Variants in EIF2AK2 observed in about 807,000 individuals in gnomAD.
EIF2AK2 encodes the protein interferon-induced, double-stranded RNA-activated protein kinase.
EIF2AK2 carries 40 observed loss-of-function variants against 70.5 expected under a neutral mutation model. The observed-to-expected ratio is 0.57, with a 90% confidence interval of 0.44 to 0.74. The LOEUF is 0.74. EIF2AK2 is among the 30% of genes least tolerant of loss of function. The probability of loss-of-function intolerance (pLI) is 0.00; values close to 1 mark genes in which losing one functional copy is unlikely to be tolerated. For missense variants in EIF2AK2, 555 were observed against 644.3 expected (o/e 0.86, Z 1.50); for synonymous variants, 198 against 220.9 (o/e 0.90, Z 0.92).
intron 1 of EIF2AK2, among the ~76,000 whole-genome samples, chr2:37,152,472 G>A (rs1400537784): frequency 6.6e-6 from 1 of 151,982 alleles, no homozygotes; most frequent in African/African-American, 2.4e-5. Flanking sequence ...GTATTTTTGA[G>A]GTTTCCCGGT....
chr2:37,151,909 A>G (rs1442346317), intron 1 of EIF2AK2, among the ~76,000 whole-genome samples: 2 of 152,236 alleles, frequency 1.3e-5, no homozygotes, highest in African/African-American at 4.8e-5. Context: ...CACTAAAAAT[A>G]CAAAAAATTA....
chr2:37,142,573 T>G lies in EIF2AK2; in HGVS notation c.241-872A>C, dbSNP rs188405973. 4.0e-3 allele frequency among the ~76,000 whole-genome samples: 613 copies of G among 152,172 alleles called. 2 individuals carry two copies. The highest frequency in any genetic ancestry group is 0.014 in the African/African-American group (593 of 41,512). Reference sequence around the variant, plus strand: ...TGCTTTTTGGGGGTAAAACATTCTGTTTTTTGTTTTTTCTAACTTCTTGAC... The same window carrying G: ...TGCTTTTTGGGGGTAAAACATTCTGGTTTTTGTTTTTTCTAACTTCTTGAC... On this transcript the variant is annotated intron_variant, in intron 4 of 16. Transcript: ENST00000233057.
At chr2:37,115,637 T>C (rs949023038) in intron 13 of EIF2AK2, among the ~76,000 whole-genome samples, 1 of 152,160 alleles carries the variant, frequency 6.6e-6, no homozygotes, top group African/African-American at 2.4e-5. Context: ...CATGATCTGA[T>C]AGGGACTGAA....
intron 4 of EIF2AK2, among the ~76,000 whole-genome samples, chr2:37,146,488 T>A (rs1414689418): frequency 6.6e-6 from 1 of 152,206 alleles, no homozygotes; most frequent in Non-Finnish European, 1.5e-5. Flanking sequence ...CTCCCTACAA[T>A]CACTTTCATC....
At chr2:37,122,142 C>G (rs1674575375) in intron 12 of EIF2AK2, among the ~76,000 whole-genome samples, 1 of 147,416 alleles carries the variant, frequency 6.8e-6, no homozygotes, top group Admixed American at 6.7e-5. Context: ...AGGAGGGAGC[C>G]CCCAGATGCA....
At position 37,105,668 on chromosome 2, in the gene EIF2AK2, A is replaced by ATT. The variant is rs1558404006; in HGVS notation, c.*1603_*1604dup. On this transcript the variant is annotated 3_prime_UTR_variant, in exon 17 of 17. Transcript: ENST00000233057. ...ACTAAAACAATTGCCCTAAGTTGAA[A>ATT]TTCACCCTCAGGGTCGTCTTCTAAG... The ATT allele has an allele frequency of 6.6e-6, 1 of 152,212 alleles. No individual in the cohort carries two copies. The highest frequency in any genetic ancestry group is 1.5e-5 in the Non-Finnish European group (1 of 68,062). 9.4% of individuals were successfully genotyped at this position (152,212 alleles called of 1,614,324 possible).
intron 12 of EIF2AK2, among the ~76,000 whole-genome samples, chr2:37,121,090 C>G (rs566641986): frequency 1.3e-5 from 2 of 148,670 alleles, no homozygotes. Context: ...GGTGAAATCC[C>G]GTCTCTACTA....
intron 1 of EIF2AK2, among the ~76,000 whole-genome samples, chr2:37,150,599 G>A (rs1039577717): frequency 3.9e-5 from 6 of 152,044 alleles, no homozygotes; most frequent in Non-Finnish European, 5.9e-5. Flanking sequence ...GCTTGTAGCC[G>A]GGAACAACAC....
At chr2:37,151,055 A>G (rs1360768695) in intron 1 of EIF2AK2, among the ~76,000 whole-genome samples, 3 of 152,362 alleles carry the variant, frequency 2.0e-5, no homozygotes, top group African/African-American at 2.4e-5. Context: ...AATTTTAGCT[A>G]TGACAGCAAG....
At chr2:37,113,601 G>C (rs1360679704) in intron 14 of EIF2AK2, among the ~76,000 whole-genome samples, 2 of 151,290 alleles carry the variant, frequency 1.3e-5, no homozygotes, top group African/African-American at 4.9e-5. Flanking sequence ...TAACAGATAC[G>C]GGATCAACAC....
intron 7 of EIF2AK2, 31 bp downstream of exon 7, chr2:37,138,478 T>G (rs1416999397): frequency 6.2e-7 from 1 of 1,610,528 alleles, no homozygotes; most frequent in South Asian, 1.1e-5. Flanking sequence ...TATGAATATG[T>G]TAAGTATCTC....
rs1208496378 is a variant in EIF2AK2 at position 37,099,498 on chromosome 2, C to G, written c.*7775G>C. ...ACAAACTGGTAAGAACAATTAGGTACTAAACAATGGGAGTACTAGGGAGAA... is the reference window on the plus strand; with the variant it reads ...ACAAACTGGTAAGAACAATTAGGTAGTAAACAATGGGAGTACTAGGGAGAA... On this transcript the variant is annotated 3_prime_UTR_variant, in exon 17 of 17. Transcript: ENST00000233057. 2 of 152,066 alleles carry G rather than the reference C, an allele frequency of 1.3e-5. No individual in the cohort carries two copies. Among genetic ancestry groups the G allele is most frequent in the African/African-American group, 4.8e-5 (2 of 41,404 alleles). 9.4% of individuals were successfully genotyped at this position (152,066 alleles called of 1,614,324 possible). A position where few individuals can be genotyped will look rare whatever the true frequency, so the allele number is the denominator to read the frequency against.
intron 12 of EIF2AK2, among the ~76,000 whole-genome samples, chr2:37,121,804 CACTT>C (rs1233945266): frequency 1.3e-5 from 2 of 151,984 alleles, no homozygotes; most frequent in Non-Finnish European, 2.9e-5. Flanking sequence ...ATAATGTTCT[CACTT>C]ACACGACATG....
intron 10 of EIF2AK2, among the ~76,000 whole-genome samples, chr2:37,133,400 AC>A (rs1171255383): frequency 6.6e-6 from 1 of 152,112 alleles, no homozygotes; most frequent in Non-Finnish European, 1.5e-5. Context: ...GAATATGCTG[AC>A]AAAATACAAC....
intron 11 of EIF2AK2, among the ~76,000 whole-genome samples, chr2:37,125,953 T>C (rs1231732850): frequency 6.6e-6 from 1 of 152,210 alleles, no homozygotes; most frequent in Admixed American, 6.5e-5. Flanking sequence ...ATCACCTATT[T>C]TGTGGGTAAT....
intron 11 of EIF2AK2, 90 bp downstream of exon 11, chr2:37,126,199 A>G: frequency 7.0e-7 from 1 of 1,430,778 alleles, no homozygotes; most frequent in Non-Finnish European, 9.3e-7. Flanking sequence ...AATAAATGAT[A>G]CCCTAATAAA....
intron 1 of EIF2AK2, among the ~76,000 whole-genome samples, chr2:37,151,601 T>C (rs1185970270): frequency 1.3e-5 from 2 of 152,210 alleles, no homozygotes; most frequent in African/African-American, 2.4e-5. Context: ...TTTCAAAGAA[T>C]TGGAAAACAG....
chr2:37,115,499 T>C (rs1158979920), intron 13 of EIF2AK2, among the ~76,000 whole-genome samples: 1 of 152,112 alleles, frequency 6.6e-6, no homozygotes, highest in South Asian at 2.1e-4. Flanking sequence ...AGGGTGGAAA[T>C]GACCTAAAGA....
At chr2:37,137,077 C>T (rs1243901718) in intron 8 of EIF2AK2, 60 bp from the exon 9 acceptor site, 16 of 1,457,652 alleles carry the variant, frequency 1.1e-5, no homozygotes, top group Non-Finnish European at 1.4e-5. Flanking sequence ...CTTCCTTTCC[C>T]GTTTTCCTTC....
Sources: gnomAD v4.1 joint callset for allele counts (sites outside exome capture counted in the v4.1 genomes callset) on GRCh38, gnomAD v4.1.1 for gene constraint, MANE v1.5 for transcripts, NCBI Gene and HGNC (gene_info 2026-07-23, HGNC 2026-07-21) for gene names.